Variants in GULP1 observed in about 807,000 individuals in gnomAD.
The protein encoded by GULP1 is GULP PTB domain containing engulfment adaptor 1, also known as PTB domain-containing engulfment adapter protein 1.
GULP1 carries 19 observed loss-of-function variants against 40.9 expected under a neutral mutation model. The observed-to-expected ratio is 0.46, with a 90% CI of 0.32 to 0.68. GULP1 has a LOEUF of 0.68. GULP1 is among the 30% of genes least tolerant of loss of function. The pLI is 0.03. For missense variants in GULP1, 312 were observed against 362.2 expected (o/e 0.86, Z 1.12); for synonymous variants, 119 against 117.6 (o/e 1.01, Z -0.08).
chr2:188,551,412 A>G (rs1162932473), intron 7 of GULP1, among the ~76,000 whole-genome samples: 1 of 151,768 alleles, frequency 6.6e-6, no homozygotes, highest in Non-Finnish European at 1.5e-5. Flanking sequence ...TGTAAATAAG[A>G]GCATGCAATA....
intron 2 of GULP1, among the ~76,000 whole-genome samples, chr2:188,419,462 G>T (rs1367112040): frequency 6.6e-6 from 1 of 151,712 alleles, no homozygotes; most frequent in African/African-American, 2.4e-5. Flanking sequence ...GTGATGCTGA[G>T]AACCTTTTCA....
intron 2 of GULP1, among the ~76,000 whole-genome samples, chr2:188,434,318 T>G (rs2152833214): frequency 6.6e-6 from 1 of 151,918 alleles, no homozygotes; most frequent in East Asian, 1.9e-4. Context: ...ATTCCCAAAG[T>G]TTCTTTTTCT....
At chr2:188,537,365 C>T (rs1689210456) in intron 6 of GULP1, among the ~76,000 whole-genome samples, 1 of 151,878 alleles carries the variant, frequency 6.6e-6, no homozygotes, top group South Asian at 2.1e-4. Flanking sequence ...TCCTTCAATG[C>T]CTAGTTTGTA....
rs1417950477 is a variant in GULP1, at chr2:188,387,605, A to G, written c.-45+3716A>G. On this transcript the variant is annotated intron_variant, in intron 2 of 11. Transcript: ENST00000409830. ...GGAACACTTTCACAAACAAAAGACCACTTGAGTTGTGCTTTTTAAGGTAGA... is the reference window on the plus strand; with the variant it reads ...GGAACACTTTCACAAACAAAAGACCGCTTGAGTTGTGCTTTTTAAGGTAGA... 3.3e-5 allele frequency among the ~76,000 whole-genome samples: 5 copies of G among 152,214 alleles called. No individual in the cohort carries two copies. In the East Asian group the frequency reaches 9.7e-4, roughly 29 times the overall value.
intron 6 of GULP1, among the ~76,000 whole-genome samples, chr2:188,537,983 G>A (rs992886306): frequency 2.6e-5 from 4 of 152,068 alleles, no homozygotes; most frequent in Non-Finnish European, 4.4e-5. Flanking sequence ...CAAGGTGTTC[G>A]TAATAGTCTC....
At chr2:188,336,370 A>G (rs559069981) in intron 1 of GULP1, among the ~76,000 whole-genome samples, 1 of 152,280 alleles carries the variant, frequency 6.6e-6, no homozygotes, top group East Asian at 1.9e-4. Flanking sequence ...GGCCTATTGA[A>G]CTATATCATG....
intron 4 of GULP1, among the ~76,000 whole-genome samples, chr2:188,516,096 A>G (rs1321704012): frequency 6.6e-6 from 1 of 152,044 alleles, no homozygotes; most frequent in Non-Finnish European, 1.5e-5. Context: ...TATTCGTCAT[A>G]TCTGTAGTGG....
At chr2:188,407,425 A>G (rs1250354466) in intron 2 of GULP1, among the ~76,000 whole-genome samples, 3 of 152,256 alleles carry the variant, frequency 2.0e-5, no homozygotes, top group African/African-American at 7.2e-5. Context: ...AGACAAAGCT[A>G]TTAAAAAGTA....
rs1470568259 is a variant in GULP1 at position 188,506,299 on chromosome 2, A to G, written c.91-16457A>G. Among the ~76,000 whole-genome samples the G allele has an allele frequency of 2.0e-5, 3 of 151,904 alleles. No individual in the cohort carries two copies. The East Asian group carries it at 5.8e-4, about 29-fold the overall frequency. ...ATGGGACATTAAAATTATTGGGAGA[A>G]CTAGCAATGATAAATATATTTTCCT... is the stretch of plus-strand genomic sequence containing the variant. On this transcript the variant is annotated intron_variant, in intron 4 of 11. Coordinates refer to ENST00000409830, the MANE Select transcript of GULP1 (RefSeq NM_016315.4).
At chr2:188,418,986 T>C (rs2054975457) in intron 2 of GULP1, among the ~76,000 whole-genome samples, 1 of 152,240 alleles carries the variant, frequency 6.6e-6, no homozygotes, top group Non-Finnish European at 1.5e-5. Context: ...TTTGTGTATC[T>C]GTGACTGGCT....
At chr2:188,362,448 T>C (rs868347113) in intron 1 of GULP1, among the ~76,000 whole-genome samples, 1 of 152,128 alleles carries the variant, frequency 6.6e-6, no homozygotes, top group Non-Finnish European at 1.5e-5. Context: ...GCACGTGATA[T>C]TATTGATGAT....
intron 6 of GULP1, among the ~76,000 whole-genome samples, chr2:188,535,422 AAGTGAGAATATGC>A (rs1688679284): frequency 6.6e-6 from 1 of 152,152 alleles, no homozygotes; most frequent in East Asian, 1.9e-4. Flanking sequence ...TTTCACTTAT[AAGTGAGAATATGC>A]AGTATTTGTT....
chr2:188,379,402 C>A (rs1193091046), intron 1 of GULP1, among the ~76,000 whole-genome samples: 6 of 152,104 alleles, frequency 3.9e-5, no homozygotes, highest in Non-Finnish European at 8.8e-5. Flanking sequence ...AGGATTAAAG[C>A]TATCTTTGTC....
At chr2:188,368,779 A>G (rs896276809) in intron 1 of GULP1, among the ~76,000 whole-genome samples, 1 of 151,258 alleles carries the variant, frequency 6.6e-6, no homozygotes, top group Non-Finnish European at 1.5e-5. Flanking sequence ...GTTATGTATA[A>G]ATGAAAAACA....
At chr2:188,374,768 A>C (rs1256532578) in intron 1 of GULP1, among the ~76,000 whole-genome samples, 6 of 152,062 alleles carry the variant, frequency 3.9e-5, no homozygotes, top group African/African-American at 1.4e-4. Context: ...GAAAAAAAAA[A>C]AAAGTCTGCA....
chr2:188,585,725 T>C (rs1174587587), intron 10 of GULP1, among the ~76,000 whole-genome samples: 2 of 152,160 alleles, frequency 1.3e-5, no homozygotes, highest in Non-Finnish European at 2.9e-5. Flanking sequence ...CGAAACCATT[T>C]TTTCCTCTTA....
intron 7 of GULP1, among the ~76,000 whole-genome samples, chr2:188,545,234 G>T (rs1691587412): frequency 6.6e-6 from 1 of 151,414 alleles, no homozygotes; most frequent in Admixed American, 6.6e-5. Context: ...AATGGCTAAA[G>T]GAAGTTCTCT....
At chr2:188,494,948 C>G (rs1376067142) in intron 4 of GULP1, among the ~76,000 whole-genome samples, 4 of 152,038 alleles carry the variant, frequency 2.6e-5, no homozygotes, top group African/African-American at 4.8e-5. Flanking sequence ...GAAGACTTAC[C>G]TGATACCACA....
At chr2:188,563,171 T>C (rs1166540774) in intron 7 of GULP1, among the ~76,000 whole-genome samples, 1 of 151,964 alleles carries the variant, frequency 6.6e-6, no homozygotes, top group Non-Finnish European at 1.5e-5. Flanking sequence ...TACAGTAGAA[T>C]CAATGACATT....
Sources: gnomAD v4.1 joint callset for allele counts (sites outside exome capture counted in the v4.1 genomes callset) on GRCh38, gnomAD v4.1.1 for gene constraint, MANE v1.5 for transcripts, NCBI Gene and HGNC (gene_info 2026-07-23, HGNC 2026-07-21) for gene names.